Variants in MAS1 observed in about 807,000 individuals in gnomAD.
The protein encoded by MAS1 is proto-oncogene Mas.
For missense variants in MAS1, 387 were observed against 409.7 expected (o/e 0.94, Z 0.48); for synonymous variants, 163 against 164.2 (o/e 0.99, Z 0.05).
intron 2 of MAS1, among the ~76,000 whole-genome samples, chr6:159,904,158 A>T (rs1048761766): frequency 3.3e-5 from 5 of 151,650 alleles, no homozygotes; most frequent in Non-Finnish European, 7.4e-5. Flanking sequence ...TCATCTCCCC[A>T]GCCTCTAACT....
chr6:159,907,536 T>C lies in MAS1; in HGVS notation c.581T>C (p.Leu194Pro), dbSNP rs758684185. 12 of 1,614,036 alleles carry C rather than the reference T, an allele frequency of 7.4e-6. No homozygotes were observed. In the South Asian group the frequency reaches 1.1e-4, roughly 15 times the overall value. ...GCAGTCATCATCTTTATAGCCATCC[T>C]GAGCTTCCTGGTCTTCACGCCCCTC... Reference protein sequence around the residue: ...CRAVIIFIAILSFLVFTPLML... With the variant: ...CRAVIIFIAIPSFLVFTPLML... The change falls in exon 3 of 3, where the codon CTG becomes CCG. Residue 194 changes from leucine (L) to proline (P), a missense_variant. Leu to Pro is a moderately conservative substitution (Grantham distance 98). Coordinates refer to ENST00000674077, the MANE Select transcript of MAS1 (RefSeq NM_002377.4).
rs1031092710 is a variant in MAS1, at chr6:159,909,341, G to C, written c.*1408G>C. The C allele has an allele frequency of 2.0e-5, 3 of 152,158 alleles. No individual in the cohort carries two copies. The highest frequency in any genetic ancestry group is 6.5e-5 in the Admixed American group (1 of 15,278). 9.4% of individuals were successfully genotyped at this position (152,158 alleles called of 1,614,324 possible). On this transcript the variant is annotated 3_prime_UTR_variant, in exon 3 of 3. Coordinates refer to ENST00000674077, the MANE Select transcript of MAS1 (RefSeq NM_002377.4). Reference sequence around the variant, plus strand: ...TATTTTAACCATTTGCTCTTTAAAAGGTCAGAGAGGCAGTGATGTAATTGT... The same window carrying C: ...TATTTTAACCATTTGCTCTTTAAAACGTCAGAGAGGCAGTGATGTAATTGT...
chr6:159,892,079 C>T (rs975687540), intron 1 of MAS1, among the ~76,000 whole-genome samples: 2 of 152,118 alleles, frequency 1.3e-5, no homozygotes, highest in Non-Finnish European at 2.9e-5. Context: ...CCTTTTAGAC[C>T]AGGGCTCTAA....
At chr6:159,900,286 C>A (rs1333426532) in intron 2 of MAS1, among the ~76,000 whole-genome samples, 1 of 152,136 alleles carries the variant, frequency 6.6e-6, no homozygotes, top group Non-Finnish European at 1.5e-5. Context: ...CAGCTAGCAG[C>A]AATTACCCTT....
intron 1 of MAS1, among the ~76,000 whole-genome samples, chr6:159,895,170 A>G (rs1389691456): frequency 6.6e-6 from 1 of 152,104 alleles, no homozygotes; most frequent in Non-Finnish European, 1.5e-5. Context: ...GTTGACAATG[A>G]GCTGGTGTGT....
In MAS1 at chr6:159,906,182, C is replaced by T. The variant is rs531336081; in HGVS notation, c.-36-738C>T. 4.0e-4 allele frequency among the ~76,000 whole-genome samples: 61 copies of T among 152,266 alleles called. 1 individual carries two copies. The South Asian group carries it at 8.7e-3, about 22-fold the overall frequency. On this transcript the variant is annotated intron_variant, in intron 2 of 2. Transcript: ENST00000674077. ...TTTGAGTGCTTTGTCTGGCATCTGG[C>T]GATGGTGTTTCCCGCACCATCTGGC...
At chr6:159,900,226 G>A (rs1655921668) in intron 2 of MAS1, among the ~76,000 whole-genome samples, 1 of 152,050 alleles carries the variant, frequency 6.6e-6, no homozygotes, top group African/African-American at 2.4e-5. Context: ...CTGCTGTTGG[G>A]GAAGGCTCAC....
chr6:159,904,905 CT>C (rs1452854525), intron 2 of MAS1, among the ~76,000 whole-genome samples: 1 of 152,178 alleles, frequency 6.6e-6, no homozygotes, highest in African/African-American at 2.4e-5. Context: ...TTTCTTTTGC[CT>C]GGAATACTTT....
chr6:159,901,231 G>T (rs188681459), intron 2 of MAS1, among the ~76,000 whole-genome samples: 3 of 152,140 alleles, frequency 2.0e-5, no homozygotes, highest in Non-Finnish European at 2.9e-5. Context: ...CCCTATCACC[G>T]AATAGAGTCA....
At chr6:159,896,930 G>A (rs916777129) in intron 1 of MAS1, among the ~76,000 whole-genome samples, 12 of 152,112 alleles carry the variant, frequency 7.9e-5, no homozygotes, top group Admixed American at 5.2e-4. Context: ...CTGGAGTGCA[G>A]TGGCTCGTTC....
intron 1 of MAS1, among the ~76,000 whole-genome samples, chr6:159,897,033 C>A (rs1782761780): frequency 6.6e-6 from 1 of 152,120 alleles, no homozygotes. Context: ...GCCACCACGC[C>A]CGGCTAATTT....
At chr6:159,897,458 T>C (rs1280795941) in intron 1 of MAS1, among the ~76,000 whole-genome samples, 1 of 152,180 alleles carries the variant, frequency 6.6e-6, no homozygotes, top group Admixed American at 6.5e-5. Context: ...TAGAGAATCT[T>C]GTGGCCTCTG....
intron 1 of MAS1, among the ~76,000 whole-genome samples, chr6:159,894,317 G>T (rs932071541): frequency 6.6e-6 from 1 of 151,854 alleles, no homozygotes; most frequent in Non-Finnish European, 1.5e-5. Flanking sequence ...TACTTGGGAG[G>T]CTGAGGCAGG....
intron 1 of MAS1, among the ~76,000 whole-genome samples, chr6:159,895,324 G>C (rs1002549673): frequency 5.3e-5 from 8 of 152,150 alleles, no homozygotes; most frequent in African/African-American, 1.9e-4. Flanking sequence ...AAAACAAGGG[G>C]GTGGTTTGCA....
chr6:159,907,081 C>T lies in MAS1; in HGVS notation c.126C>T (p.Ile42=), dbSNP rs1782897417. 7 of 1,614,088 alleles carry T rather than the reference C, an allele frequency of 4.3e-6. No homozygotes were observed. Among genetic ancestry groups the T allele is most frequent in the Non-Finnish European group, 5.9e-6 (7 of 1,180,026 alleles). Residue 42 remains isoleucine, a synonymous_variant, in exon 3 of 3, where the codon ATC becomes ATT. Coordinates refer to ENST00000674077, the MANE Select transcript of MAS1 (RefSeq NM_002377.4). ...TCGTGCACTGGGTCATTATGAGCAT[C>T]TCCCCAGTGGGGTTTGTTGAGAATG... is the stretch of plus-strand genomic sequence containing the variant. ...IPIVHWVIMS[I]SPVGFVENGI...
rs1782950222 is a variant in MAS1 at position 159,910,273 on chromosome 6, G to A, written c.*2340G>A. 1 of 152,230 alleles carries A rather than the reference G, an allele frequency of 6.6e-6. No homozygotes were observed. Among genetic ancestry groups the A allele is most frequent in the Non-Finnish European group, 1.5e-5 (1 of 68,050 alleles). 9.4% of individuals were successfully genotyped at this position (152,230 alleles called of 1,614,324 possible). On this transcript the variant is annotated 3_prime_UTR_variant, in exon 3 of 3. Coordinates refer to ENST00000674077, the MANE Select transcript of MAS1 (RefSeq NM_002377.4). ...CTGCAGAACACCATGATGTGGACAA[G>A]GCAAAGACGGGGAAGCGGAAGCCGC...
chr6:159,890,269 CA>C (rs1006466725), upstream of MAS1, among the ~76,000 whole-genome samples: 8 of 152,106 alleles, frequency 5.3e-5, no homozygotes, highest in South Asian at 2.1e-4. Context: ...AACAAAAACA[CA>C]AAAAATGCAG....
Position 159,916,403 on chromosome 6 carries a change from T to C in MAS1, c.*8470T>C, listed in dbSNP as rs1033698593. On this transcript the variant is annotated 3_prime_UTR_variant, in exon 3 of 3. Coordinates refer to ENST00000674077, the MANE Select transcript of MAS1 (RefSeq NM_002377.4). ...GAATTTCAGTTTGAGGAGATGAAAA[T>C]GTTCTGGGGATCTATTGCACAACAA... 1 of 152,090 alleles carries C rather than the reference T, an allele frequency of 6.6e-6. No homozygotes were observed. The highest frequency in any genetic ancestry group is 2.4e-5 in the African/African-American group (1 of 41,390). 9.4% of individuals were successfully genotyped at this position (152,090 alleles called of 1,614,324 possible).
chr6:159,914,601 G>A lies in MAS1; in HGVS notation c.*6668G>A, dbSNP rs1783000136. On this transcript the variant is annotated 3_prime_UTR_variant, in exon 3 of 3. Transcript: ENST00000674077. ...GCTCTCGAGTATACCTAGGCTCGTGGAAAATGCAGCCAGGGATTTGGACCT... is the reference window on the plus strand; with the variant it reads ...GCTCTCGAGTATACCTAGGCTCGTGAAAAATGCAGCCAGGGATTTGGACCT... 6.6e-6 allele frequency: 1 copy of A among 152,236 alleles called. No individual in the cohort carries two copies. Among genetic ancestry groups the A allele is most frequent in the Non-Finnish European group, 1.5e-5 (1 of 68,082 alleles). The allele number at this position is 152,236 out of a possible 1,614,324, so 9.4% of individuals were successfully genotyped here.
Sources: allele counts gnomAD v4.1 joint callset (sites outside exome capture counted in the v4.1 genomes callset), GRCh38; gene constraint gnomAD v4.1.1; transcripts MANE v1.5; gene names NCBI Gene and HGNC (gene_info 2026-07-23, HGNC 2026-07-21).